Variants in ANKH observed in about 807,000 individuals in gnomAD.
ANKH encodes the protein mineralization regulator ANKH.
In ANKH, 15 loss-of-function variants were observed where a neutral mutation model predicts 49.0. That is an observed-to-expected ratio of 0.31 (90% CI 0.20 to 0.47). The LOEUF is 0.47. ANKH is among the 20% of genes least tolerant of loss of function. The probability of loss-of-function intolerance (pLI) is 1.00; values close to 1 mark genes in which losing one functional copy is unlikely to be tolerated. For synonymous variants in ANKH, 273 were observed against 260.0 expected (o/e 1.05, Z -0.48); for missense variants, 429 against 652.0 (o/e 0.66, Z 3.72).
At chr5:14,729,792 G>T (rs1580011655) in intron 8 of ANKH, among the ~76,000 whole-genome samples, 1 of 152,292 alleles carries the variant, frequency 6.6e-6, no homozygotes, top group Middle Eastern at 3.4e-3. Context: ...CCCAGCAAGT[G>T]CACAGACAGG....
intron 1 of ANKH, among the ~76,000 whole-genome samples, chr5:14,791,137 C>T (rs911179850): frequency 4.6e-5 from 7 of 152,290 alleles, no homozygotes; most frequent in East Asian, 3.9e-4. Context: ...AACCCAGCCA[C>T]GTAAGCTGGA....
chr5:14,713,459 C>T lies in ANKH; in HGVS notation c.1265+85G>A. 5 of 1,559,244 alleles carry T rather than the reference C, an allele frequency of 3.2e-6. No individual in the cohort carries two copies. The highest frequency in any genetic ancestry group is 3.5e-6 in the Non-Finnish European group (4 of 1,141,484). On this transcript the variant is annotated intron_variant, in intron 10 of 11. Transcript: ENST00000284268. This position sits in a 1 kb window ranked among gnomAD's most constrained non-coding sequence, Gnocchi z 4.4. ...CGATTCTAGACGTGCCTGGGGATTT[C>T]CCCTGAAAATGTAGCTGTTAAACCT...
intron 1 of ANKH, among the ~76,000 whole-genome samples, chr5:14,839,270 T>C (rs1741749227): frequency 6.6e-6 from 1 of 152,196 alleles, no homozygotes. Context: ...ACTAATTTTT[T>C]ATTTCTGGAA....
chr5:14,715,811 G>T (rs1737430039), intron 9 of ANKH, among the ~76,000 whole-genome samples: 1 of 152,174 alleles, frequency 6.6e-6, no homozygotes, highest in African/African-American at 2.4e-5. Context: ...CCTCATTCTT[G>T]TGTATAGTAC....
chr5:14,853,943 C>A (rs1307468831), intron 1 of ANKH, among the ~76,000 whole-genome samples: 1 of 152,154 alleles, frequency 6.6e-6, no homozygotes, highest in East Asian at 1.9e-4. Context: ...TGGTTCTCTC[C>A]ACTGTCACCA....
intron 8 of ANKH, among the ~76,000 whole-genome samples, chr5:14,736,939 T>A (rs577161575): frequency 2.6e-5 from 4 of 152,318 alleles, no homozygotes; most frequent in Admixed American, 2.6e-4. Context: ...CTCTTGGCAC[T>A]AACTCCCCAA....
intron 1 of ANKH, among the ~76,000 whole-genome samples, chr5:14,811,494 G>A (rs1342326897): frequency 6.6e-6 from 1 of 152,110 alleles, no homozygotes; most frequent in South Asian, 2.1e-4. Context: ...ATTGCCTGGT[G>A]GGTGCGTACT....
At chr5:14,736,086 T>C (rs1738174398) in intron 8 of ANKH, among the ~76,000 whole-genome samples, 1 of 145,786 alleles carries the variant, frequency 6.9e-6, no homozygotes, top group South Asian at 2.3e-4. Context: ...TCGGATACCC[T>C]TGCACTCTAT....
At chr5:14,752,031 G>A (rs185534041) in intron 4 of ANKH, among the ~76,000 whole-genome samples, 9 of 152,302 alleles carry the variant, frequency 5.9e-5, no homozygotes, top group Non-Finnish European at 1.0e-4. Context: ...AAATGGGCTG[G>A]GTGCCATGGC....
At chr5:14,768,532 G>A (rs1193679271) in intron 2 of ANKH, 3 of 222,198 alleles carry the variant, frequency 1.4e-5, no homozygotes, top group Admixed American at 5.2e-5. Context: ...GAATAAAATA[G>A]AATAAGATCC....
intron 1 of ANKH, among the ~76,000 whole-genome samples, chr5:14,845,803 G>A (rs1347743573): frequency 1.4e-5 from 2 of 147,246 alleles, no homozygotes; most frequent in Non-Finnish European, 3.0e-5. Flanking sequence ...AGATCACTAC[G>A]TCAGTACTGC....
intron 1 of ANKH, among the ~76,000 whole-genome samples, chr5:14,834,710 G>C (rs536136008): frequency 7.2e-4 from 109 of 152,294 alleles, no homozygotes; most frequent in Non-Finnish European, 1.4e-3. Context: ...GAACCCAGGA[G>C]GCTGAGGTTG....
chr5:14,798,617 C>T (rs768579477), intron 1 of ANKH, among the ~76,000 whole-genome samples: 3 of 152,042 alleles, frequency 2.0e-5, no homozygotes, highest in Non-Finnish European at 4.4e-5. Flanking sequence ...TGGTAACTCT[C>T]GCAATATTTC....
At chr5:14,836,607 C>T (rs1054329359) in intron 1 of ANKH, among the ~76,000 whole-genome samples, 1 of 152,158 alleles carries the variant, frequency 6.6e-6, no homozygotes, top group South Asian at 2.1e-4. Flanking sequence ...CACTGCTCAA[C>T]AAAATAAAAG....
chr5:14,756,455 C>T (rs1260176009), intron 3 of ANKH, among the ~76,000 whole-genome samples: 1 of 152,140 alleles, frequency 6.6e-6, no homozygotes, highest in Non-Finnish European at 1.5e-5. Flanking sequence ...GAGGAAGATG[C>T]TACGAGGGGA....
intron 8 of ANKH, among the ~76,000 whole-genome samples, chr5:14,733,812 C>T (rs1306516154): frequency 6.6e-6 from 1 of 152,172 alleles, no homozygotes; most frequent in Admixed American, 6.5e-5. Context: ...GTGCTGGGCT[C>T]GGAAAGCCAA....
chr5:14,781,227 CTGTT>C (rs1739795499), intron 1 of ANKH, among the ~76,000 whole-genome samples: 1 of 152,222 alleles, frequency 6.6e-6, no homozygotes, highest in African/African-American at 2.4e-5. Context: ...CTCCCTCACT[CTGTT>C]TAGCTAGAGC....
At chr5:14,830,391 C>T (rs1224475234) in intron 1 of ANKH, among the ~76,000 whole-genome samples, 5 of 152,168 alleles carry the variant, frequency 3.3e-5, no homozygotes, top group South Asian at 2.1e-4. Flanking sequence ...GTAATGAAAA[C>T]GTGTCCAGTG....
At chr5:14,801,401 A>G (rs1740563120) in intron 1 of ANKH, among the ~76,000 whole-genome samples, 1 of 152,218 alleles carries the variant, frequency 6.6e-6, no homozygotes, top group South Asian at 2.1e-4. Context: ...AGCTAATGCT[A>G]TGTTACTGAA....
Sources: allele counts gnomAD v4.1 joint callset (sites outside exome capture counted in the v4.1 genomes callset), GRCh38; gene constraint gnomAD v4.1.1; non-coding constraint Gnocchi (gnomAD v3.1); transcripts MANE v1.5; gene names NCBI Gene and HGNC (gene_info 2026-07-23, HGNC 2026-07-21).